GABPB1: variants seen among roughly 807,000 people sequenced by gnomAD.
GABPB1 encodes GA-binding protein subunit beta-1.
Under a neutral mutation model 45.9 loss-of-function variants are expected in GABPB1, and 15 were observed. The observed-to-expected ratio is 0.33, with a 90% CI of 0.22 to 0.50. The LOEUF is 0.50. GABPB1 is among the 20% of genes least tolerant of loss of function. GABPB1 has a pLI of 0.98. For missense variants in GABPB1, 252 were observed against 457.5 expected (o/e 0.55, Z 4.10); for synonymous variants, 143 against 154.4 (o/e 0.93, Z 0.55).
chr15:50,354,385 CCT>C (rs1567561961), intron 1 of GABPB1: 1 of 452,618 alleles, frequency 2.2e-6, no homozygotes, highest in Non-Finnish European at 4.4e-6. Flanking sequence ...TTCCATTAAC[CCT>C]GTCTGGTCCG....
In GABPB1 at chr15:50,302,965, T is replaced by C. The variant is rs1327192718; in HGVS notation, c.435A>G (p.Ile145Met). Reference sequence around the variant, plus strand: ...CTGCTAAATCTTCATTTCCATTGTCTATTGAAATATCAAATGCAGTTTTAC... The same window carrying C: ...CTGCTAAATCTTCATTTCCATTGTCCATTGAAATATCAAATGCAGTTTTAC... The part of the protein sequence containing the change: ...KFCKTAFDIS[I>M]DNGNEDLAEI... Residue 145 changes from isoleucine (I) to methionine (M), a missense_variant, in exon 4 of 9, where the codon ATA (isoleucine) becomes ATG (methionine). Coordinates refer to ENST00000380877, the MANE Select transcript of GABPB1 (RefSeq NM_016654.5). 1 of 1,613,148 alleles carries C rather than the reference T, an allele frequency of 6.2e-7. No homozygotes were observed. Among genetic ancestry groups the C allele is most frequent in the African/African-American group, 1.3e-5 (1 of 74,914 alleles).
At chr15:50,325,322 A>G (rs916885838) in intron 1 of GABPB1, among the ~76,000 whole-genome samples, 4 of 140,196 alleles carry the variant, frequency 2.9e-5, no homozygotes, top group African/African-American at 1.0e-4. Flanking sequence ...AAAAAAAAAA[A>G]GGCACGGCTA....
In GABPB1 at chr15:50,278,351, T is replaced by A; in HGVS notation, c.*281A>T. 4.4e-6 allele frequency: 1 copy of A among 225,084 alleles called. No individual in the cohort carries two copies. Among genetic ancestry groups the A allele is most frequent in the South Asian group, 1.5e-4 (1 of 6,700 alleles). 13.9% of individuals were successfully genotyped at this position (225,084 alleles called of 1,614,324 possible). A position where few individuals can be genotyped will look rare whatever the true frequency, so the allele number is the denominator to read the frequency against. On this transcript the variant is annotated 3_prime_UTR_variant, in exon 9 of 9. Transcript: ENST00000380877. ...AATCAAAAAGAATTCACAAAAACAG[T>A]GGCTTATTCTGGTTTTGGATCTCTT... is the stretch of plus-strand genomic sequence containing the variant.
At chr15:50,336,834 G>A (rs1481982787) in intron 1 of GABPB1, among the ~76,000 whole-genome samples, 3 of 151,132 alleles carry the variant, frequency 2.0e-5, no homozygotes, top group African/African-American at 7.3e-5. Flanking sequence ...ATGTAGCCAG[G>A]CATGGTGGTA....
chr15:50,279,239 G>C (rs2045902224), intron 8 of GABPB1, among the ~76,000 whole-genome samples: 1 of 152,074 alleles, frequency 6.6e-6, no homozygotes, highest in Non-Finnish European at 1.5e-5. Context: ...AAGCATCTAA[G>C]ACAGATATTA....
chr15:50,331,092 G>A (rs2047933186), intron 1 of GABPB1, among the ~76,000 whole-genome samples: 1 of 152,176 alleles, frequency 6.6e-6, no homozygotes, highest in Non-Finnish European at 1.5e-5. Context: ...TCATTCTCTT[G>A]GTTGCTTAGC....
At chr15:50,299,030 A>G (rs2046629143) in intron 6 of GABPB1, among the ~76,000 whole-genome samples, 1 of 152,114 alleles carries the variant, frequency 6.6e-6, no homozygotes, top group African/African-American at 2.4e-5. Flanking sequence ...CCTCCAAGTC[A>G]AGAATATTAC....
intron 6 of GABPB1, among the ~76,000 whole-genome samples, chr15:50,298,781 G>A (rs765208133): frequency 2.6e-5 from 4 of 151,980 alleles, no homozygotes; most frequent in East Asian, 1.9e-4. Context: ...GTGAAACCCC[G>A]TCCCTACTAA....
Position 50,278,407 on chromosome 15 carries a change from T to TAAA in GABPB1, c.*222_*224dup. The stretch of plus-strand genomic sequence containing the variant: ...ATCTTTATCAACTCATTTGGAACTG[T>TAAA]AAAAAAAAAAAAACTATTTACAGAA... On this transcript the variant is annotated 3_prime_UTR_variant, in exon 9 of 9. Transcript: ENST00000380877. The TAAA allele has an allele frequency of 5.3e-5, 15 of 282,874 alleles. No homozygotes were observed. The highest frequency in any genetic ancestry group is 9.0e-5 in the Non-Finnish European group (14 of 156,062). The allele number at this position is 282,874 out of a possible 1,614,324, so 17.5% of individuals were successfully genotyped here. A position where few individuals can be genotyped will look rare whatever the true frequency, so the allele number is the denominator to read the frequency against.
intron 1 of GABPB1, among the ~76,000 whole-genome samples, chr15:50,320,364 C>T (rs983013963): frequency 3.3e-5 from 5 of 152,136 alleles, no homozygotes; most frequent in Non-Finnish European, 7.4e-5. Context: ...GATGGGGTTT[C>T]GGCATTTTGG....
At chr15:50,333,731 T>C (rs1310286770) in intron 1 of GABPB1, among the ~76,000 whole-genome samples, 2 of 152,150 alleles carry the variant, frequency 1.3e-5, no homozygotes, top group African/African-American at 4.8e-5. Context: ...CCACTGTTGC[T>C]GCTGAAAAGT....
At chr15:50,323,487 GGA>G (rs771720149) in intron 1 of GABPB1, among the ~76,000 whole-genome samples, 1 of 152,176 alleles carries the variant, frequency 6.6e-6, no homozygotes, top group Non-Finnish European at 1.5e-5. Context: ...AGTGAGGCAG[GGA>G]GAGGTCACTC....
chr15:50,289,366 A>G, intron 7 of GABPB1, 117 bp downstream of exon 7: 1 of 682,756 alleles, frequency 1.5e-6, no homozygotes, highest in Non-Finnish European at 2.3e-6. Flanking sequence ...AACACATACC[A>G]CAATTTCCTG....
intron 1 of GABPB1, among the ~76,000 whole-genome samples, chr15:50,310,987 A>C (rs1390035060): frequency 6.6e-6 from 1 of 152,070 alleles, no homozygotes; most frequent in East Asian, 1.9e-4. Flanking sequence ...AAAAAAAAAA[A>C]AAAAACCAGG....
chr15:50,313,044 T>C (rs2047186084), intron 1 of GABPB1, among the ~76,000 whole-genome samples: 1 of 152,138 alleles, frequency 6.6e-6, no homozygotes, highest in Non-Finnish European at 1.5e-5. Context: ...CATAAAAATG[T>C]GCAACTTCTA....
intron 1 of GABPB1, among the ~76,000 whole-genome samples, chr15:50,331,355 A>G (rs976531273): frequency 2.6e-5 from 4 of 152,226 alleles, no homozygotes; most frequent in African/African-American, 9.6e-5. Context: ...CAGTAGTGGT[A>G]GCAGCTTCCT....
rs554946854 is a variant in GABPB1 at position 50,304,660 on chromosome 15, G to A, written c.109-527C>T. Among the ~76,000 whole-genome samples, 555 of 151,090 alleles carry A rather than the reference G, an allele frequency of 3.7e-3. 3 individuals carry two copies. Among genetic ancestry groups the A allele is most frequent in the African/African-American group, 0.013 (531 of 41,036 alleles). On this transcript the variant is annotated intron_variant, in intron 2 of 8. Transcript: ENST00000380877. ...CAGGAGGCAGAGGTTGCAGTGAGCC[G>A]AGATCGCGCCACTGCACTCCAGCCT...
chr15:50,299,153 G>T (rs1416413663), intron 6 of GABPB1, among the ~76,000 whole-genome samples: 2 of 151,942 alleles, frequency 1.3e-5, no homozygotes, highest in Admixed American at 1.3e-4. Flanking sequence ...TGTTATTATT[G>T]ATCAAATTTT....
At chr15:50,324,882 T>C (rs1041568146) in intron 1 of GABPB1, among the ~76,000 whole-genome samples, 1 of 152,026 alleles carries the variant, frequency 6.6e-6, no homozygotes, top group African/African-American at 2.4e-5. Flanking sequence ...GTTAAGGTTA[T>C]AGTACTTGCT....
Sources: allele counts gnomAD v4.1 joint callset (sites outside exome capture counted in the v4.1 genomes callset), GRCh38; gene constraint gnomAD v4.1.1; transcripts MANE v1.5; gene names NCBI Gene and HGNC (gene_info 2026-07-23, HGNC 2026-07-21).